Variants in DLG2 observed in about 807,000 individuals in gnomAD.
The protein encoded by DLG2 is disks large homolog 2.
In DLG2, 45 loss-of-function variants were observed where a neutral mutation model predicts 132.5. The ratio of observed to expected loss-of-function variants is 0.34; its 90% CI spans 0.27 to 0.44. The LOEUF (loss-of-function observed/expected upper bound fraction) is 0.44, where lower values mean the gene tolerates loss of function less well. Ranked by LOEUF, DLG2 falls within the 20% of genes least tolerant of loss-of-function variation. DLG2 has a pLI of 1.00. For missense variants in DLG2, 1,045 were observed against 1,196.9 expected (o/e 0.87, Z 1.87); for synonymous variants, 424 against 419.6 (o/e 1.01, Z -0.13).
At chr11:84,515,824 T>C (rs1283066051) in intron 7 of DLG2, among the ~76,000 whole-genome samples, 1 of 151,754 alleles carries the variant, frequency 6.6e-6, no homozygotes, top group East Asian at 1.9e-4. Context: ...CCAAAATAGA[T>C]CATGTGTGAG....
At chr11:83,634,076 T>C (rs1005033271) in intron 18 of DLG2, among the ~76,000 whole-genome samples, 1 of 152,100 alleles carries the variant, frequency 6.6e-6, no homozygotes, top group African/African-American at 2.4e-5. Context: ...TGGTGATGAA[T>C]TGTGTAAGAA....
intron 6 of DLG2, among the ~76,000 whole-genome samples, chr11:84,759,182 C>A (rs142615018): frequency 6.6e-6 from 1 of 152,200 alleles, no homozygotes; most frequent in East Asian, 1.9e-4. Flanking sequence ...TCAGCCCTAA[C>A]TTATTAATTC....
chr11:84,726,149 G>A (rs753957784), intron 6 of DLG2, among the ~76,000 whole-genome samples: 7 of 152,008 alleles, frequency 4.6e-5, no homozygotes, highest in Non-Finnish European at 7.4e-5. Flanking sequence ...AAGTTCTGAG[G>A]TACATGTGCA....
chr11:84,447,594 C>CT (rs2099039118), intron 7 of DLG2, among the ~76,000 whole-genome samples: 2 of 152,180 alleles, frequency 1.3e-5, no homozygotes, highest in African/African-American at 4.8e-5. Context: ...CCATGTGTCT[C>CT]TTTTCTGAGA....
At chr11:84,817,769 C>A (rs2077229430) in intron 6 of DLG2, among the ~76,000 whole-genome samples, 1 of 151,888 alleles carries the variant, frequency 6.6e-6, no homozygotes, top group African/African-American at 2.4e-5. Context: ...TGAATGTCAT[C>A]AAAAAATCAT....
At chr11:84,392,786 T>C (rs1447330548) in intron 7 of DLG2, among the ~76,000 whole-genome samples, 1 of 152,208 alleles carries the variant, frequency 6.6e-6, no homozygotes, top group Non-Finnish European at 1.5e-5. Flanking sequence ...CGTTTACTTA[T>C]CAAATTCTAA....
chr11:83,932,963 T>C (rs770809037), intron 14 of DLG2, among the ~76,000 whole-genome samples: 3 of 152,166 alleles, frequency 2.0e-5, no homozygotes, highest in Admixed American at 6.5e-5. Context: ...TGCCTGCCCA[T>C]AGTTCCTGTG....
intron 2 of DLG2, among the ~76,000 whole-genome samples, chr11:85,619,235 T>C (rs763292653): frequency 6.6e-6 from 1 of 152,190 alleles, no homozygotes. Flanking sequence ...TGGAGTTCAG[T>C]GGCACAATCA....
chr11:84,365,721 T>C (rs1291770784), intron 7 of DLG2, among the ~76,000 whole-genome samples: 2 of 151,930 alleles, frequency 1.3e-5, no homozygotes, highest in Non-Finnish European at 2.9e-5. Flanking sequence ...GTCTTTGTTC[T>C]CTTTGGTTTC....
intron 7 of DLG2, among the ~76,000 whole-genome samples, chr11:84,386,129 C>A (rs970403189): frequency 1.3e-5 from 2 of 151,976 alleles, no homozygotes; most frequent in Non-Finnish European, 2.9e-5. Flanking sequence ...TGCAAGCTGT[C>A]TAGAAAAGCT....
intron 18 of DLG2, among the ~76,000 whole-genome samples, chr11:83,769,667 T>C (rs1280506772): frequency 6.7e-6 from 1 of 150,220 alleles, no homozygotes. Context: ...GGGGTCAAAC[T>C]ATTCTCCTGC....
intron 6 of DLG2, among the ~76,000 whole-genome samples, chr11:84,550,502 T>G (rs1051362359): frequency 1.3e-5 from 2 of 152,196 alleles, no homozygotes; most frequent in Non-Finnish European, 2.9e-5. Flanking sequence ...TTCAAGCTAC[T>G]CTTCCTAACC....
intron 6 of DLG2, among the ~76,000 whole-genome samples, chr11:84,749,330 G>T (rs1424452934): frequency 6.6e-6 from 1 of 152,060 alleles, no homozygotes; most frequent in Non-Finnish European, 1.5e-5. Context: ...CTGACATCTA[G>T]AACCTCTATA....
intron 4 of DLG2, among the ~76,000 whole-genome samples, chr11:85,221,425 A>C (rs532729203): frequency 1.3e-5 from 2 of 152,224 alleles, no homozygotes; most frequent in Non-Finnish European, 2.9e-5. Flanking sequence ...AGTATTAGAC[A>C]GATAGAATAT....
At chr11:85,370,033 G>C (rs973370757) in intron 3 of DLG2, among the ~76,000 whole-genome samples, 2 of 152,198 alleles carry the variant, frequency 1.3e-5, no homozygotes, top group African/African-American at 4.8e-5. Context: ...GGTTTGCCAA[G>C]TGTTTTGAGG....
Position 84,586,732 on chromosome 11 carries a change from A to T in DLG2, c.358-52001T>A, listed in dbSNP as rs11234086. ...TAGAATTTTTTATATATTACATTTT[A>T]TTCCTCTACTAATTTGACATTTATA... On this transcript the variant is annotated intron_variant, in intron 6 of 27. Transcript: ENST00000376104. Among the ~76,000 whole-genome samples, 674 of 151,874 alleles carry T rather than the reference A, an allele frequency of 4.4e-3. 2 individuals are homozygous for T. Among genetic ancestry groups the T allele is most frequent in the Non-Finnish European group, 8.0e-3 (545 of 67,868 alleles).
chr11:84,302,132 A>G (rs2098162579), intron 7 of DLG2, among the ~76,000 whole-genome samples: 1 of 152,130 alleles, frequency 6.6e-6, no homozygotes, highest in African/African-American at 2.4e-5. Context: ...CTCACTCATA[A>G]GTGGGAGCTG....
intron 4 of DLG2, among the ~76,000 whole-genome samples, chr11:85,258,643 G>GA (rs1361553935): frequency 6.6e-5 from 10 of 152,134 alleles, no homozygotes; most frequent in African/African-American, 2.4e-4. Flanking sequence ...TTCTCTAAGA[G>GA]AAAATAGTTA....
intron 4 of DLG2, among the ~76,000 whole-genome samples, chr11:85,158,737 G>A (rs2077790794): frequency 6.6e-6 from 1 of 152,170 alleles, no homozygotes; most frequent in Admixed American, 6.5e-5. Context: ...ATAATGGACA[G>A]CAGAGGCAAA....
Sources: allele counts gnomAD v4.1 joint callset (sites outside exome capture counted in the v4.1 genomes callset), GRCh38; gene constraint gnomAD v4.1.1; transcripts MANE v1.5; gene names NCBI Gene and HGNC (gene_info 2026-07-23, HGNC 2026-07-21).